Variants in CXADR observed in about 807,000 individuals in gnomAD.
CXADR encodes coxsackievirus and adenovirus receptor.
CXADR carries 20 observed loss-of-function variants against 40.3 expected under a neutral mutation model. The ratio of observed to expected loss-of-function variants is 0.50; its 90% CI spans 0.35 to 0.72. The LOEUF (loss-of-function observed/expected upper bound fraction) is 0.72. Among genes scored for constraint, CXADR ranks in the 30% least tolerant of loss-of-function variants. CXADR has a pLI of 0.01. For synonymous variants in CXADR, 150 were observed against 161.3 expected (o/e 0.93, Z 0.53); for missense variants, 332 against 449.1 (o/e 0.74, Z 2.36).
chr21:17,519,144 C>T (rs565700497), intron 1 of CXADR, among the ~76,000 whole-genome samples: 2 of 152,306 alleles, frequency 1.3e-5, no homozygotes, highest in South Asian at 4.1e-4. Flanking sequence ...GGCAAGCCTC[C>T]CTACATTGGC....
chr21:17,538,488 C>T (rs1192119436), intron 1 of CXADR, among the ~76,000 whole-genome samples: 1 of 152,100 alleles, frequency 6.6e-6, no homozygotes, highest in East Asian at 1.9e-4. Flanking sequence ...GATTGTCAGA[C>T]ATGTCAGTGA....
chr21:17,559,756 G>A (rs2061088942), intron 4 of CXADR, among the ~76,000 whole-genome samples: 1 of 140,792 alleles, frequency 7.1e-6, no homozygotes, highest in African/African-American at 2.6e-5. Flanking sequence ...TCGGCTCCCT[G>A]CAGTCTTCAC....
chr21:17,572,709 GT>G (rs934879284), downstream of CXADR, among the ~76,000 whole-genome samples: 1 of 151,590 alleles, frequency 6.6e-6, no homozygotes, highest in South Asian at 2.1e-4. Context: ...AACTAACGTT[GT>G]TTTTTTTCCC....
At chr21:17,531,911 T>G (rs1367218983) in intron 1 of CXADR, among the ~76,000 whole-genome samples, 5 of 150,744 alleles carry the variant, frequency 3.3e-5, no homozygotes, top group African/African-American at 1.2e-4. Context: ...ATAAAAGGTG[T>G]CTTATTCCTG....
At chr21:17,536,837 A>C (rs967358163) in intron 1 of CXADR, among the ~76,000 whole-genome samples, 6 of 151,978 alleles carry the variant, frequency 3.9e-5, no homozygotes, top group African/African-American at 1.5e-4. Context: ...GCTCACTGCA[A>C]CCTCTGCCTC....
chr21:17,561,345 T>G lies in CXADR; in HGVS notation c.702T>G (p.Asn234Lys), dbSNP rs1426468023. The change falls in exon 6 of 7, where the codon AAT becomes AAG. Residue 234 changes from asparagine to lysine, a missense_variant. Asn to Lys is a moderately conservative substitution (Grantham distance 94). Around this residue, in one of 3 missense-constraint regions of CXADR, gnomAD observed 150 missense variants for 194.2 expected, o/e 0.77. Transcript: ENST00000284878. ...LLRLNVVPPSNKAGLIAGAII... is the reference protein window; with the variant it reads ...LLRLNVVPPSKKAGLIAGAII... The stretch of plus-strand genomic sequence containing the variant: ...TAATTCTTCTTATTTTAGCTTCAAA[T>G]AAAGCTGGACTAATTGCAGGAGCCA... 1 of 1,568,494 alleles carries G rather than the reference T, an allele frequency of 6.4e-7. No homozygotes were observed. Among genetic ancestry groups the G allele is most frequent in the Non-Finnish European group, 8.6e-7 (1 of 1,157,508 alleles).
chr21:17,560,678 G>T, intron 4 of CXADR, 24 bp from the exon 5 acceptor site: 1 of 1,603,660 alleles, frequency 6.2e-7, no homozygotes, highest in Middle Eastern at 2.2e-4. Flanking sequence ...AAATGAGTTT[G>T]TTTTCTTTTT....
At chr21:17,607,400 T>C in the CXADR span, among the ~76,000 whole-genome samples, 1 of 151,882 alleles carries the variant, frequency 6.6e-6, no homozygotes, top group Non-Finnish European at 1.5e-5. Flanking sequence ...AAAAAAAAAA[T>C]TAAGATAATC....
chr21:17,623,548 G>T, the CXADR span, among the ~76,000 whole-genome samples: 1 of 152,178 alleles, frequency 6.6e-6, no homozygotes, highest in Non-Finnish European at 1.5e-5. Flanking sequence ...GCCTGTGTGA[G>T]AGGACTCCCT....
At chr21:17,593,064 A>G (rs1263351487) in intron 7 of CXADR, 2 of 1,124,092 alleles carry the variant, frequency 1.8e-6, no homozygotes, top group Non-Finnish European at 2.3e-6. Context: ...GGTGATGGAA[A>G]AAGTATTGCT....
intron 7 of CXADR, among the ~76,000 whole-genome samples, chr21:17,582,767 G>T (rs992314574): frequency 2.0e-5 from 3 of 152,206 alleles, no homozygotes; most frequent in African/African-American, 7.2e-5. Flanking sequence ...GCCAAGAGCA[G>T]TTTTATGGAA....
the CXADR span, among the ~76,000 whole-genome samples, chr21:17,605,764 G>T: frequency 2.0e-5 from 3 of 152,130 alleles, no homozygotes; most frequent in Non-Finnish European, 2.9e-5. Flanking sequence ...TAAGCATTCT[G>T]ATTAAGTAGG....
intron 7 of CXADR, among the ~76,000 whole-genome samples, chr21:17,588,386 T>C (rs1277075764): frequency 6.6e-6 from 1 of 152,226 alleles, no homozygotes; most frequent in Non-Finnish European, 1.5e-5. Flanking sequence ...TTCTTCCGTT[T>C]GTTTGTATCC....
intron 1 of CXADR, among the ~76,000 whole-genome samples, chr21:17,522,158 T>C (rs951525835): frequency 6.6e-6 from 1 of 151,998 alleles, no homozygotes; most frequent in African/African-American, 2.4e-5. Flanking sequence ...TTCTTCCTTT[T>C]TTTTTTGGAG....
At chr21:17,538,917 A>T (rs1359012525) in intron 1 of CXADR, among the ~76,000 whole-genome samples, 1 of 152,252 alleles carries the variant, frequency 6.6e-6, no homozygotes, top group African/African-American at 2.4e-5. Flanking sequence ...GAAGCCAGTT[A>T]GCAGGCTACA....
intron 1 of CXADR, among the ~76,000 whole-genome samples, chr21:17,524,412 A>C (rs545823024): frequency 1.3e-5 from 2 of 151,466 alleles, no homozygotes; most frequent in Non-Finnish European, 2.9e-5. Flanking sequence ...AAATACAAAA[A>C]TCAGCTGGGC....
chr21:17,612,170 T>TC, the CXADR span: 1 of 152,320 alleles, frequency 6.6e-6, no homozygotes, highest in Non-Finnish European at 1.5e-5. Context: ...ATCCCGGTTT[T>TC]CCCCAAGTTC....
chr21:17,595,287 T>C (rs573276020), downstream of CXADR, among the ~76,000 whole-genome samples: 124 of 152,210 alleles, frequency 8.1e-4, 1 homozygote, highest in African/African-American at 2.7e-3. Context: ...CAAATCTGCA[T>C]TTCTAAGTAT....
At chr21:17,574,994 CACACACAT>C (rs1313293820), downstream of CXADR, among the ~76,000 whole-genome samples, 2 of 3,568 alleles carry the variant, frequency 5.6e-4, no homozygotes, top group Non-Finnish European at 1.1e-3. Flanking sequence ...TACATATATA[CACACACAT>C]ACATACATAC....
Sources: allele counts gnomAD v4.1 joint callset (sites outside exome capture counted in the v4.1 genomes callset), GRCh38; gene constraint gnomAD v4.1.1; regional missense constraint gnomAD v4.1.1; transcripts MANE v1.5; gene names NCBI Gene and HGNC (gene_info 2026-07-23, HGNC 2026-07-21).